Variants in LHFPL3 observed in about 807,000 individuals in gnomAD.
LHFPL3 encodes the protein LHFPL tetraspan subfamily member 3 protein.
LHFPL3 carries 5 observed loss-of-function variants against 19.3 expected under a neutral mutation model. The ratio of observed to expected loss-of-function variants is 0.26; its 90% CI spans 0.14 to 0.54. The LOEUF (loss-of-function observed/expected upper bound fraction) is 0.54, where lower values mean the gene tolerates loss of function less well. LHFPL3 is among the 20% of genes least tolerant of loss of function. The probability of loss-of-function intolerance (pLI) is 0.94; values close to 1 mark genes in which losing one functional copy is unlikely to be tolerated. For synonymous variants in LHFPL3, 133 were observed against 126.2 expected (o/e 1.05, Z -0.36); for missense variants, 249 against 307.4 (o/e 0.81, Z 1.42).
At chr7:104,800,768 G>A (rs935338455) in intron 2 of LHFPL3, among the ~76,000 whole-genome samples, 7 of 152,118 alleles carry the variant, frequency 4.6e-5, no homozygotes, top group African/African-American at 1.4e-4. Context: ...AGGAGGAGCT[G>A]GAAAAGTTGG....
At chr7:104,781,394 A>G (rs1282289398) in intron 2 of LHFPL3, among the ~76,000 whole-genome samples, 1 of 152,038 alleles carries the variant, frequency 6.6e-6, no homozygotes, top group African/African-American at 2.4e-5. Flanking sequence ...CTCCTGTCAC[A>G]GTGGAAGAGG....
chr7:104,687,489 A>C lies in LHFPL3; in HGVS notation c.446-49186A>C, dbSNP rs565284411. Among the ~76,000 whole-genome samples the C allele has an allele frequency of 5.3e-5, 8 of 152,330 alleles. No individual in the cohort carries two copies. In the South Asian group the frequency reaches 1.7e-3, roughly 32 times the overall value. ...GTAGGGGGCTGGAGCCAAAAGTTCC[A>C]ACTCTCTAATCATGCTTTGGTCTTC... On this transcript the variant is annotated intron_variant, in intron 1 of 2. Coordinates refer to ENST00000424859, the MANE Select transcript of LHFPL3 (RefSeq NM_199000.3).
chr7:104,526,102 A>C (rs1188499940), intron 1 of LHFPL3, among the ~76,000 whole-genome samples: 1 of 152,134 alleles, frequency 6.6e-6, no homozygotes, highest in Admixed American at 6.5e-5. Context: ...TTGATGTCAC[A>C]TGAGTCCCAT....
intron 1 of LHFPL3, among the ~76,000 whole-genome samples, chr7:104,649,983 A>T (rs1313482634): frequency 6.6e-6 from 1 of 152,210 alleles, no homozygotes; most frequent in East Asian, 1.9e-4. Context: ...AGTAGCTTCC[A>T]TCAGCCCATT....
intron 1 of LHFPL3, among the ~76,000 whole-genome samples, chr7:104,633,127 AGGCT>A (rs1791674119): frequency 6.6e-6 from 1 of 152,172 alleles, no homozygotes; most frequent in African/African-American, 2.4e-5. Context: ...GTTCTATAAG[AGGCT>A]TCTGAAATCT....
chr7:104,609,240 A>G (rs1015873091), intron 1 of LHFPL3, among the ~76,000 whole-genome samples: 7 of 152,024 alleles, frequency 4.6e-5, no homozygotes, highest in Non-Finnish European at 8.8e-5. Flanking sequence ...ACTCCAGCCC[A>G]GGTGACAGAG....
At chr7:104,336,072 A>G (rs1170552901) in intron 1 of LHFPL3, among the ~76,000 whole-genome samples, 1 of 152,132 alleles carries the variant, frequency 6.6e-6, no homozygotes, top group Non-Finnish European at 1.5e-5. Flanking sequence ...TAATTTCCAT[A>G]ATGTATTTGA....
chr7:104,696,748 G>A (rs2116157311), intron 1 of LHFPL3, among the ~76,000 whole-genome samples: 1 of 152,210 alleles, frequency 6.6e-6, no homozygotes, highest in African/African-American at 2.4e-5. Context: ...TGGCAAAAGG[G>A]GTGTCTTCTG....
intron 2 of LHFPL3, among the ~76,000 whole-genome samples, chr7:104,840,460 C>A (rs893677887): frequency 1.5e-4 from 21 of 136,666 alleles, no homozygotes; most frequent in African/African-American, 5.4e-4. Context: ...TGCCACCATG[C>A]TAATTTTCTT....
chr7:104,591,038 G>A (rs904189836), intron 1 of LHFPL3, among the ~76,000 whole-genome samples: 10 of 152,274 alleles, frequency 6.6e-5, no homozygotes, highest in African/African-American at 2.4e-4. Context: ...CCCGAATAGA[G>A]CACACTGATG....
chr7:104,773,401 C>T (rs907810108), intron 2 of LHFPL3, among the ~76,000 whole-genome samples: 3 of 152,226 alleles, frequency 2.0e-5, no homozygotes, highest in Non-Finnish European at 2.9e-5. Flanking sequence ...GGAGTGTTAG[C>T]GTGAGGCCCT....
chr7:104,420,285 T>C (rs900726450), intron 1 of LHFPL3, among the ~76,000 whole-genome samples: 2 of 152,222 alleles, frequency 1.3e-5, no homozygotes, highest in African/African-American at 2.4e-5. Flanking sequence ...CAATATAGTG[T>C]CCATGGCAGC....
chr7:104,722,707 T>C (rs1793510992), intron 1 of LHFPL3, among the ~76,000 whole-genome samples: 2 of 152,176 alleles, frequency 1.3e-5, no homozygotes, highest in Non-Finnish European at 2.9e-5. Flanking sequence ...TGACAATCCT[T>C]GTGTGAAAGT....
chr7:104,455,499 C>A (rs1170383678), intron 1 of LHFPL3, among the ~76,000 whole-genome samples: 1 of 152,078 alleles, frequency 6.6e-6, no homozygotes, highest in Non-Finnish European at 1.5e-5. Flanking sequence ...GGTGGTTGGA[C>A]TGCCTGAGGT....
chr7:104,434,845 G>C (rs1217055148), intron 1 of LHFPL3, among the ~76,000 whole-genome samples: 1 of 152,078 alleles, frequency 6.6e-6, no homozygotes, highest in Non-Finnish European at 1.5e-5. Context: ...CAATTCTACA[G>C]ACCATTTTTA....
At chr7:104,414,295 C>G (rs771475072) in intron 1 of LHFPL3, among the ~76,000 whole-genome samples, 1 of 152,110 alleles carries the variant, frequency 6.6e-6, no homozygotes, top group East Asian at 1.9e-4. Flanking sequence ...AACAAACATA[C>G]AGAGTTTCAG....
At chr7:104,392,545 C>G (rs1374357002) in intron 1 of LHFPL3, among the ~76,000 whole-genome samples, 4 of 152,166 alleles carry the variant, frequency 2.6e-5, no homozygotes, top group African/African-American at 9.6e-5. Flanking sequence ...CCCACTTGAT[C>G]ATGGTGGATA....
chr7:104,511,944 C>CTTTTT (rs58712044), intron 1 of LHFPL3, among the ~76,000 whole-genome samples: 59 of 111,926 alleles, frequency 5.3e-4, no homozygotes, highest in South Asian at 8.5e-4. Context: ...CTTTCCTTTT[C>CTTTTT]TTTTTTTTTT....
intron 1 of LHFPL3, among the ~76,000 whole-genome samples, chr7:104,524,908 C>T (rs1217989065): frequency 6.6e-6 from 1 of 152,134 alleles, no homozygotes; most frequent in East Asian, 1.9e-4. Flanking sequence ...TCTGGTTTGG[C>T]TTCTGCATTG....
Sources: gnomAD v4.1 joint callset for allele counts (sites outside exome capture counted in the v4.1 genomes callset) on GRCh38, gnomAD v4.1.1 for gene constraint, MANE v1.5 for transcripts, NCBI Gene and HGNC (gene_info 2026-07-23, HGNC 2026-07-21) for gene names.